Variants in KHDRBS3 observed in about 807,000 individuals in gnomAD.
KHDRBS3 encodes KH RNA binding domain containing, signal transduction associated 3, also known as KH domain-containing, RNA-binding, signal transduction-associated protein 3.
In KHDRBS3, 23 loss-of-function variants were observed where a neutral mutation model predicts 45.6. The ratio of observed to expected loss-of-function variants is 0.50; its 90% CI spans 0.36 to 0.72. KHDRBS3 has a LOEUF of 0.72. Among genes scored for constraint, KHDRBS3 ranks in the 30% least tolerant of loss-of-function variants. KHDRBS3 has a pLI of 0.00. For missense variants in KHDRBS3, 352 were observed against 424.8 expected (o/e 0.83, Z 1.51); for synonymous variants, 162 against 156.5 (o/e 1.04, Z -0.26).
At chr8:135,627,992 A>T (rs1008712942) in intron 7 of KHDRBS3, among the ~76,000 whole-genome samples, 3 of 152,184 alleles carry the variant, frequency 2.0e-5, no homozygotes, top group African/African-American at 7.2e-5. Flanking sequence ...GACTTAGACA[A>T]TGTCTAAACT....
At chr8:135,531,715 A>G (rs1825487719) in intron 2 of KHDRBS3, among the ~76,000 whole-genome samples, 1 of 152,226 alleles carries the variant, frequency 6.6e-6, no homozygotes, top group Non-Finnish European at 1.5e-5. Flanking sequence ...AATTAAATTT[A>G]GTCTTTAAGA....
At chr8:135,565,078 C>T (rs1040925789) in intron 5 of KHDRBS3, among the ~76,000 whole-genome samples, 2 of 152,178 alleles carry the variant, frequency 1.3e-5, no homozygotes, top group Non-Finnish European at 2.9e-5. Context: ...CGTGGATAAT[C>T]GCCTACCCGG....
At chr8:135,617,025 C>T (rs1829946394) in intron 7 of KHDRBS3, among the ~76,000 whole-genome samples, 1 of 152,088 alleles carries the variant, frequency 6.6e-6, no homozygotes, top group Middle Eastern at 3.4e-3. Flanking sequence ...ACTTGAATGT[C>T]AGCTCTACTA....
chr8:135,474,060 T>C (rs186782062), intron 1 of KHDRBS3, among the ~76,000 whole-genome samples: 6 of 152,342 alleles, frequency 3.9e-5, no homozygotes, highest in Admixed American at 3.9e-4. Flanking sequence ...GAGGAATTAG[T>C]GATGTGTCAG....
intron 5 of KHDRBS3, among the ~76,000 whole-genome samples, chr8:135,566,664 G>C (rs1827432973): frequency 6.6e-6 from 1 of 152,106 alleles, no homozygotes; most frequent in Admixed American, 6.5e-5. Context: ...TGACCAGCAT[G>C]GGCTGTATAG....
intron 2 of KHDRBS3, among the ~76,000 whole-genome samples, chr8:135,536,522 G>A (rs1406019708): frequency 6.6e-6 from 1 of 152,018 alleles, no homozygotes; most frequent in Admixed American, 6.6e-5. Context: ...GGTGTAATAT[G>A]GGCAACTTGT....
At chr8:135,542,381 C>A in intron 2 of KHDRBS3, 1 of 351,400 alleles carries the variant, frequency 2.8e-6, no homozygotes, top group Middle Eastern at 8.3e-4. Flanking sequence ...GGATAGCAAC[C>A]GAGGAATTCT....
intron 2 of KHDRBS3, 168 bp from the exon 3 acceptor site, chr8:135,542,486 G>A (rs1407002252): frequency 9.6e-6 from 5 of 520,952 alleles, no homozygotes; most frequent in South Asian, 6.7e-5. Context: ...GTTTAGCCCC[G>A]TTTTATGTGG....
intron 5 of KHDRBS3, among the ~76,000 whole-genome samples, chr8:135,570,327 A>T (rs564143728): frequency 8.5e-5 from 13 of 152,334 alleles, no homozygotes; most frequent in Admixed American, 3.9e-4. Flanking sequence ...ATTGATTAAG[A>T]ATATTATAGA....
Position 135,557,607 on chromosome 8 carries a change from T to C in KHDRBS3, c.611+20T>C. On this transcript the variant is annotated intron_variant, in intron 5 of 8. Transcript: ENST00000355849. Reference sequence around the variant, plus strand: ...AACCAGGTAGGTGTAAATTTTTTTTTAGGTTAACATACCGTGGCAGCAGTT... The same window carrying C: ...AACCAGGTAGGTGTAAATTTTTTTTCAGGTTAACATACCGTGGCAGCAGTT... The C allele has an allele frequency of 4.4e-6, 7 of 1,586,158 alleles. No individual in the cohort carries two copies. Among genetic ancestry groups the C allele is most frequent in the Non-Finnish European group, 6.0e-6 (7 of 1,157,392 alleles).
At chr8:135,618,988 G>A (rs1221810308) in intron 7 of KHDRBS3, among the ~76,000 whole-genome samples, 1 of 152,182 alleles carries the variant, frequency 6.6e-6, no homozygotes, top group African/African-American at 2.4e-5. Context: ...GTGATAGATT[G>A]CTTCCAGCTC....
At chr8:135,465,498 G>T (rs1821649962) in intron 1 of KHDRBS3, among the ~76,000 whole-genome samples, 1 of 152,134 alleles carries the variant, frequency 6.6e-6, no homozygotes, top group African/African-American at 2.4e-5. Flanking sequence ...AAATATTGAA[G>T]GAGAAATTCA....
chr8:135,572,425 A>G (rs73712070), intron 5 of KHDRBS3, among the ~76,000 whole-genome samples: 1 of 152,138 alleles, frequency 6.6e-6, no homozygotes, highest in Non-Finnish European at 1.5e-5. Flanking sequence ...GATTTCTTTT[A>G]TACTCTATAC....
intron 5 of KHDRBS3, among the ~76,000 whole-genome samples, chr8:135,561,304 T>C (rs1827155461): frequency 6.6e-6 from 1 of 152,190 alleles, no homozygotes; most frequent in Admixed American, 6.5e-5. Context: ...CTAAGGACTT[T>C]ACAGATATTA....
intron 7 of KHDRBS3, among the ~76,000 whole-genome samples, chr8:135,629,657 C>A (rs993586342): frequency 6.6e-6 from 1 of 152,208 alleles, no homozygotes; most frequent in African/African-American, 2.4e-5. Flanking sequence ...CTTTCACATA[C>A]AATCGTAGTT....
chr8:135,647,112 C>T lies in KHDRBS3; in HGVS notation c.*28C>T, dbSNP rs1304653070. The T allele has an allele frequency of 8.5e-7, 1 of 1,178,170 alleles. No homozygotes were observed. The highest frequency in any genetic ancestry group is 1.2e-5 in the South Asian group (1 of 81,956). 73.0% of individuals were successfully genotyped at this position (1,178,170 alleles called of 1,614,324 possible). A position where few individuals can be genotyped will look rare whatever the true frequency, so the allele number is the denominator to read the frequency against. On this transcript the variant is annotated 3_prime_UTR_variant, in exon 9 of 9. Coordinates refer to ENST00000355849, the MANE Select transcript of KHDRBS3 (RefSeq NM_006558.3). ...GTACTGTCTGATGTTGTGAAATAGCCAATCTCCACCAGTCCTGTATACTGT... is the reference window on the plus strand; with the variant it reads ...GTACTGTCTGATGTTGTGAAATAGCTAATCTCCACCAGTCCTGTATACTGT...
chr8:135,539,563 C>T (rs1825943080), intron 2 of KHDRBS3: 1 of 152,220 alleles, frequency 6.6e-6, no homozygotes, highest in Non-Finnish European at 1.5e-5. Context: ...TTATTACTTA[C>T]TAATTTGGCA....
intron 7 of KHDRBS3, 28 bp downstream of exon 7, chr8:135,607,065 C>A (rs1829497846): frequency 6.5e-7 from 1 of 1,541,358 alleles, no homozygotes. Flanking sequence ...TTACCAGACC[C>A]CACAACAGAA....
intron 1 of KHDRBS3, among the ~76,000 whole-genome samples, chr8:135,508,073 C>A (rs1198039390): frequency 6.6e-6 from 1 of 152,112 alleles, no homozygotes; most frequent in African/African-American, 2.4e-5. Context: ...AGTTTCTTTT[C>A]CCGCCCTGAA....
Sources: allele counts gnomAD v4.1 joint callset (sites outside exome capture counted in the v4.1 genomes callset), GRCh38; gene constraint gnomAD v4.1.1; transcripts MANE v1.5; gene names NCBI Gene and HGNC (gene_info 2026-07-23, HGNC 2026-07-21).